FHIT: variants seen among roughly 807,000 people sequenced by gnomAD.
FHIT encodes fragile histidine triad diadenosine triphosphatase.
A neutral mutation model predicts 17.9 loss-of-function variants in FHIT; 19 were observed. That is an observed-to-expected ratio of 1.06 (90% CI 0.74 to 1.56). The LOEUF is 1.56. Among genes scored for constraint, FHIT ranks in the 40% most tolerant of loss-of-function variants. The pLI is 0.00. For synonymous variants in FHIT, 81 were observed against 69.7 expected (o/e 1.16, Z -0.81); for missense variants, 248 against 189.2 (o/e 1.31, Z -1.82).
At chr3:60,635,829 A>G (rs1351672825) in intron 4 of FHIT, among the ~76,000 whole-genome samples, 1 of 152,190 alleles carries the variant, frequency 6.6e-6, no homozygotes, top group Non-Finnish European at 1.5e-5. Context: ...AAACGGGCAG[A>G]CAGCAAGTAT....
At chr3:60,834,965 T>C (rs1436292629) in intron 3 of FHIT, among the ~76,000 whole-genome samples, 1 of 152,168 alleles carries the variant, frequency 6.6e-6, no homozygotes, top group East Asian at 1.9e-4. Context: ...AATATATCAT[T>C]TGTTTCCTGT....
chr3:59,820,772 T>G (rs949613501), intron 8 of FHIT, among the ~76,000 whole-genome samples: 2 of 152,014 alleles, frequency 1.3e-5, no homozygotes, highest in African/African-American at 2.4e-5. Context: ...GAAGACAATT[T>G]AGAGTGGTGG....
chr3:59,805,921 C>T (rs981440033), intron 8 of FHIT, among the ~76,000 whole-genome samples: 1 of 152,104 alleles, frequency 6.6e-6, no homozygotes, highest in South Asian at 2.1e-4. Flanking sequence ...GTGGCTCATG[C>T]CTGTAATCAC....
At chr3:60,264,017 A>G (rs770986383) in intron 5 of FHIT, among the ~76,000 whole-genome samples, 2 of 151,854 alleles carry the variant, frequency 1.3e-5, no homozygotes, top group Non-Finnish European at 2.9e-5. Flanking sequence ...TTCAAATTAA[A>G]CTTGTTATGT....
intron 3 of FHIT, among the ~76,000 whole-genome samples, chr3:60,901,711 G>A (rs1706123190): frequency 6.6e-6 from 1 of 152,098 alleles, no homozygotes; most frequent in Non-Finnish European, 1.5e-5. Flanking sequence ...TCATTCACTT[G>A]TAGCTAGGTA....
At chr3:60,593,730 C>A (rs139194574) in intron 4 of FHIT, among the ~76,000 whole-genome samples, 1 of 152,194 alleles carries the variant, frequency 6.6e-6, no homozygotes, top group East Asian at 1.9e-4. Context: ...TATGCAGGTA[C>A]AGCTCTTTTA....
chr3:59,974,657 T>C (rs537283832), intron 7 of FHIT, among the ~76,000 whole-genome samples: 1 of 152,264 alleles, frequency 6.6e-6, no homozygotes, highest in East Asian at 1.9e-4. Context: ...ATATCAACTT[T>C]ATACGTACCT....
intron 3 of FHIT, among the ~76,000 whole-genome samples, chr3:60,895,363 T>C (rs1438857179): frequency 6.6e-6 from 1 of 152,216 alleles, no homozygotes; most frequent in African/African-American, 2.4e-5. Flanking sequence ...AGGTGTTTTC[T>C]GCCAGATTAC....
intron 4 of FHIT, among the ~76,000 whole-genome samples, chr3:60,585,992 C>A (rs1159857903): frequency 6.6e-6 from 1 of 151,828 alleles, no homozygotes; most frequent in Non-Finnish European, 1.5e-5. Context: ...CATTTTAAAA[C>A]AAAAGAATTT....
intron 1 of FHIT, among the ~76,000 whole-genome samples, chr3:61,229,546 C>G (rs1437076743): frequency 6.6e-6 from 1 of 152,154 alleles, no homozygotes; most frequent in African/African-American, 2.4e-5. Flanking sequence ...GCTGTAGTAC[C>G]TTACTAGCTG....
intron 5 of FHIT, among the ~76,000 whole-genome samples, chr3:60,060,119 G>C (rs1702240808): frequency 6.6e-6 from 1 of 151,844 alleles, no homozygotes; most frequent in Non-Finnish European, 1.5e-5. Flanking sequence ...TTAACCCTGG[G>C]GAGCCTCTAT....
chr3:61,200,294 G>A (rs1176337132), intron 2 of FHIT, among the ~76,000 whole-genome samples: 1 of 152,234 alleles, frequency 6.6e-6, no homozygotes, highest in East Asian at 1.9e-4. Flanking sequence ...CTATTGGCCA[G>A]AAGTGGTACA....
chr3:60,658,843 G>A (rs1025798057), intron 4 of FHIT, among the ~76,000 whole-genome samples: 14 of 151,756 alleles, frequency 9.2e-5, no homozygotes, highest in East Asian at 3.9e-4. Flanking sequence ...TTACCTTTAC[G>A]GAGAACTTTA....
At chr3:60,098,395 A>C (rs1214518590) in intron 5 of FHIT, among the ~76,000 whole-genome samples, 4 of 149,320 alleles carry the variant, frequency 2.7e-5, no homozygotes, top group Non-Finnish European at 5.9e-5. Flanking sequence ...CTGACTTTTT[A>C]ATGATTGCCA....
chr3:61,196,247 T>A (rs1471150658), intron 2 of FHIT, among the ~76,000 whole-genome samples: 14 of 152,180 alleles, frequency 9.2e-5, no homozygotes, highest in Admixed American at 9.2e-4. Context: ...AAGGCATAGA[T>A]GTTGCAGTTT....
chr3:60,346,062 G>A (rs1000218532), intron 5 of FHIT, among the ~76,000 whole-genome samples: 1 of 152,194 alleles, frequency 6.6e-6, no homozygotes, highest in Non-Finnish European at 1.5e-5. Context: ...AGGGCAACTG[G>A]TTTAACGTAA....
chr3:60,407,261 C>T (rs1396064628), intron 5 of FHIT, among the ~76,000 whole-genome samples: 1 of 151,796 alleles, frequency 6.6e-6, no homozygotes, highest in Admixed American at 6.6e-5. Context: ...CCTTGTGCTT[C>T]GGTTGCTAAG....
At chr3:60,760,095 T>C (rs1553719336) in intron 4 of FHIT, among the ~76,000 whole-genome samples, 1 of 152,212 alleles carries the variant, frequency 6.6e-6, no homozygotes, top group African/African-American at 2.4e-5. Flanking sequence ...TTTGTTCTTT[T>C]TCTCTCTCCT....
At chr3:60,021,726 T>C (rs1402430995) in intron 5 of FHIT, among the ~76,000 whole-genome samples, 1 of 152,148 alleles carries the variant, frequency 6.6e-6, no homozygotes, top group Non-Finnish European at 1.5e-5. Flanking sequence ...AGCTATTAAG[T>C]GAAAATCCCA....
Sources: gnomAD v4.1 joint callset for allele counts (sites outside exome capture counted in the v4.1 genomes callset) on GRCh38, gnomAD v4.1.1 for gene constraint, MANE v1.5 for transcripts, NCBI Gene and HGNC (gene_info 2026-07-23, HGNC 2026-07-21) for gene names.